The following DLGAP2 variants were observed in gnomAD, a reference collection of about 807,000 sequenced individuals.
DLGAP2 encodes the protein DLG associated protein 2.
DLGAP2 carries 26 observed loss-of-function variants against 100.3 expected under a neutral mutation model. The observed-to-expected ratio is 0.26, with a 90% confidence interval of 0.19 to 0.36. The LOEUF is 0.36. Among genes scored for constraint, DLGAP2 ranks in the 10% least tolerant of loss-of-function variants. DLGAP2 has a pLI of 1.00. For synonymous variants in DLGAP2, 886 were observed against 630.1 expected, an observed-to-expected ratio of 1.41 and a Z score of -6.08; for missense variants, 1,858 against 1,453.2, an observed-to-expected ratio of 1.28 and a Z score of -4.53.
intron 3 of DLGAP2, among the ~76,000 whole-genome samples, chr8:1,270,443 A>G (rs1799557076): frequency 6.6e-6 from 1 of 152,218 alleles, no homozygotes; most frequent in Non-Finnish European, 1.5e-5. Flanking sequence ...AATCATTTTC[A>G]GTATATGTGT....
intron 1 of DLGAP2, among the ~76,000 whole-genome samples, chr8:891,788 A>T (rs1383022378): frequency 1.3e-5 from 2 of 152,260 alleles, no homozygotes; most frequent in East Asian, 3.9e-4. Flanking sequence ...CAGGACGGGG[A>T]GGGCCTGGGA....
At chr8:1,659,206 CTGTT>C (rs1177028114) in intron 8 of DLGAP2, among the ~76,000 whole-genome samples, 1 of 152,132 alleles carries the variant, frequency 6.6e-6, no homozygotes, top group Non-Finnish European at 1.5e-5. Flanking sequence ...GTCGGAGAGA[CTGTT>C]TGTTATGATT....
chr8:843,529 C>T (rs1157147856), intron 1 of DLGAP2, among the ~76,000 whole-genome samples: 2 of 152,202 alleles, frequency 1.3e-5, no homozygotes, highest in Admixed American at 1.3e-4. Context: ...TTCCACCGGG[C>T]CTGGCCTGTC....
rs1399550897 is a variant in DLGAP2, at chr8:1,549,568, C to G, written c.1115C>G (p.Ser372Cys). 3.1e-6 allele frequency: 5 copies of G among 1,612,996 alleles called. No homozygotes were observed. The highest frequency in any genetic ancestry group is 3.3e-4 in the Middle Eastern group (2 of 6,062). The change falls in exon 5 of 15, where the codon TCT becomes TGT. Residue 372 changes from serine to cysteine, a missense_variant. By Grantham distance (112) the Ser-to-Cys change is moderately radical. Transcript: ENST00000637795. ...DAKYLKRSSW[S>C]TLTVSQAKEA... is the part of the protein sequence containing the mutation. ...AAGTACCTGAAGCGCAGCTCCTGGT[C>G]TACGCTGACGGTCAGCCAGGCCAAG...
chr8:1,595,509 A>G (rs1294218057), intron 6 of DLGAP2, among the ~76,000 whole-genome samples: 2 of 142,460 alleles, frequency 1.4e-5, no homozygotes, highest in Non-Finnish European at 3.0e-5. Flanking sequence ...TAAAAATACA[A>G]AAAAAAAATT....
chr8:1,344,171 G>GTGAGTCCGTGTACTGT (rs1801498787), intron 3 of DLGAP2, among the ~76,000 whole-genome samples: 3 of 126,234 alleles, frequency 2.4e-5, no homozygotes, highest in Admixed American at 1.5e-4. Flanking sequence ...CTTTGTACTC[G>GTGAGTCCGTGTACTGT]GGGCGCTGTC....
intron 2 of DLGAP2, among the ~76,000 whole-genome samples, chr8:1,007,027 T>C (rs1404392657): frequency 1.3e-5 from 2 of 152,158 alleles, no homozygotes; most frequent in African/African-American, 4.8e-5. Flanking sequence ...GTCTGAAGTC[T>C]CGGGATGTGG....
intron 2 of DLGAP2, among the ~76,000 whole-genome samples, chr8:1,165,676 G>A (rs1262417301): frequency 5.3e-5 from 8 of 152,032 alleles, no homozygotes; most frequent in Non-Finnish European, 8.8e-5. Flanking sequence ...TTTATTTGTC[G>A]AATTTACGTT....
intron 1 of DLGAP2, among the ~76,000 whole-genome samples, chr8:837,285 C>T (rs1324077490): frequency 6.6e-6 from 1 of 152,222 alleles, no homozygotes; most frequent in African/African-American, 2.4e-5. Flanking sequence ...GTGCAGCCTG[C>T]AGAAGAAGGG....
At chr8:1,288,140 GTA>G (rs1269217807) in intron 3 of DLGAP2, among the ~76,000 whole-genome samples, 12 of 142,284 alleles carry the variant, frequency 8.4e-5, no homozygotes, top group South Asian at 2.3e-4. Context: ...TTTCGGTTGA[GTA>G]TGTGTGTGTG....
At chr8:1,672,122 G>C (rs1487950267) in intron 10 of DLGAP2, among the ~76,000 whole-genome samples, 7 of 152,230 alleles carry the variant, frequency 4.6e-5, no homozygotes, top group African/African-American at 1.7e-4. Flanking sequence ...GCGGTTAGGA[G>C]GGACGGAGGC....
At chr8:1,086,744 A>T (rs2129040604) in intron 2 of DLGAP2, among the ~76,000 whole-genome samples, 1 of 152,324 alleles carries the variant, frequency 6.6e-6, no homozygotes, top group East Asian at 1.9e-4. Flanking sequence ...ACAATGGAGC[A>T]CCTAAATATA....
intron 2 of DLGAP2, among the ~76,000 whole-genome samples, chr8:935,034 G>T (rs1369146290): frequency 3.3e-5 from 5 of 152,228 alleles, no homozygotes; most frequent in Non-Finnish European, 7.3e-5. Flanking sequence ...GCACTGGGAA[G>T]GGCACAATAC....
chr8:1,242,255 G>A (rs1585183409), intron 2 of DLGAP2, among the ~76,000 whole-genome samples: 1 of 152,174 alleles, frequency 6.6e-6, no homozygotes, highest in Non-Finnish European at 1.5e-5. Flanking sequence ...GAAGAGGGGA[G>A]GTCGGGGGAA....
At chr8:1,431,224 C>A (rs528023758) in intron 3 of DLGAP2, among the ~76,000 whole-genome samples, 1 of 152,234 alleles carries the variant, frequency 6.6e-6, no homozygotes, top group East Asian at 1.9e-4. Flanking sequence ...GTTACATTTT[C>A]TGTCAATCTG....
chr8:965,719 G>C (rs563313005), intron 2 of DLGAP2, among the ~76,000 whole-genome samples: 6 of 104,832 alleles, frequency 5.7e-5, no homozygotes, highest in Non-Finnish European at 9.9e-5. Flanking sequence ...CAACCCCCGC[G>C]TGCACACGGC....
intron 2 of DLGAP2, among the ~76,000 whole-genome samples, chr8:1,220,190 G>T (rs367713123): frequency 6.6e-6 from 1 of 151,978 alleles, no homozygotes; most frequent in African/African-American, 2.4e-5. Context: ...GTTTCTTTAG[G>T]TGTGGTGTTA....
At chr8:1,457,037 C>T (rs1202974811) in intron 3 of DLGAP2, among the ~76,000 whole-genome samples, 2 of 152,360 alleles carry the variant, frequency 1.3e-5, no homozygotes, top group African/African-American at 4.8e-5. Flanking sequence ...CTGCAGATCA[C>T]AGGGCTTCAT....
chr8:1,477,835 AACCATGGAATGAATAGACCTG>A (rs1292026497), intron 3 of DLGAP2, among the ~76,000 whole-genome samples: 1 of 150,546 alleles, frequency 6.6e-6, no homozygotes, highest in Non-Finnish European at 1.5e-5. Context: ...TGATAGTCCC[AACCATGGAATGAATAGACCTG>A]ATTCCAGATG....
Sources: allele counts gnomAD v4.1 joint callset (sites outside exome capture counted in the v4.1 genomes callset), GRCh38; gene constraint gnomAD v4.1.1; transcripts MANE v1.5; gene names NCBI Gene and HGNC (gene_info 2026-07-23, HGNC 2026-07-21).